The following CSMD1 variants were observed in gnomAD, a reference collection of about 807,000 sequenced individuals.
CSMD1 encodes CUB and sushi domain-containing protein 1.
Under a neutral mutation model 417.5 loss-of-function variants are expected in CSMD1, and 213 were observed. The observed-to-expected ratio is 0.51, with a 90% CI of 0.46 to 0.57. CSMD1 has a LOEUF of 0.57. Ranked by LOEUF, CSMD1 falls within the 20% of genes least tolerant of loss-of-function variation. The pLI, the probability that CSMD1 is intolerant of heterozygous loss-of-function variation, is 0.00. For missense variants in CSMD1, 6,923 were observed against 4,529.7 expected (o/e 1.53, Z -15.17); for synonymous variants, 2,862 against 1,736.8 (o/e 1.65, Z -16.11).
intron 9 of CSMD1, among the ~76,000 whole-genome samples, chr8:3,578,447 G>A (rs1466713551): frequency 6.6e-6 from 1 of 152,154 alleles, no homozygotes; most frequent in African/African-American, 2.4e-5. Flanking sequence ...GAAAATCTCG[G>A]CAGTGCACGC....
chr8:3,795,699 A>G (rs1188179047), intron 5 of CSMD1, among the ~76,000 whole-genome samples: 1 of 44,822 alleles, frequency 2.2e-5, no homozygotes, highest in East Asian at 5.7e-4. Context: ...AGATATAGAT[A>G]TATATCTATC....
At chr8:3,280,469 C>G (rs993283428) in intron 26 of CSMD1, among the ~76,000 whole-genome samples, 2 of 152,118 alleles carry the variant, frequency 1.3e-5, no homozygotes, top group African/African-American at 4.8e-5. Flanking sequence ...CAATAAACTT[C>G]TAAAGACAAT....
Position 3,087,245 on chromosome 8 carries a change from A to G in CSMD1, c.7326T>C (p.Gly2442=). 6.2e-7 allele frequency: 1 copy of G among 1,613,866 alleles called. No individual in the cohort carries two copies. Among genetic ancestry groups the G allele is most frequent in the Non-Finnish European group, 8.5e-7 (1 of 1,179,846 alleles). The change falls in exon 49 of 70, where the codon GGT becomes GGC. Residue 2442 remains glycine (G), a synonymous_variant. Coordinates refer to ENST00000635120, the MANE Select transcript of CSMD1 (RefSeq NM_033225.6). ...CSLTHPLKNG[G]ILNRTAGAVG... is the part of the protein sequence containing the mutation. ...CCGCTCCTGCAGTCCTGTTTAGAAT[A>G]CCCCCATTCTTCAGGGGGTGGGTCA... is the stretch of plus-strand genomic sequence containing the variant.
At chr8:4,078,919 ATATATATATATATATATATATATG>A (rs200702048) in intron 3 of CSMD1, among the ~76,000 whole-genome samples, 2,230 of 28,834 alleles carry the variant, frequency 0.077, 59 homozygotes, top group East Asian at 0.22. Flanking sequence ...ATATATATAT[ATATATATATATATATATATATATG>A]TATGTTGAAA....
chr8:3,839,772 T>C (rs1365673022), intron 5 of CSMD1, among the ~76,000 whole-genome samples: 3 of 150,836 alleles, frequency 2.0e-5, no homozygotes, highest in African/African-American at 7.3e-5. Context: ...GCTCAGAGAG[T>C]TTATATTTGT....
At chr8:3,683,448 G>A (rs1292536842) in intron 7 of CSMD1, among the ~76,000 whole-genome samples, 1 of 152,088 alleles carries the variant, frequency 6.6e-6, no homozygotes, top group Non-Finnish European at 1.5e-5. Flanking sequence ...AGGGAATTCA[G>A]AATTAGAATC....
rs5741962 is a variant in CSMD1 at position 4,201,887 on chromosome 8, T to TGGG, written c.416-169791_416-169789dup. ...TGATGACCATTATACATGGAAATTT[T>TGGG]GGGGGGGGGGGGCGCTGCATTCATT... is the stretch of plus-strand genomic sequence containing the variant. On this transcript the variant is annotated intron_variant, in intron 3 of 69. Transcript: ENST00000635120. Among the ~76,000 whole-genome samples the TGGG allele has an allele frequency of 8.6e-4, 110 of 127,736 alleles. 2 individuals are homozygous for TGGG. The highest frequency in any genetic ancestry group is 3.3e-3 in the African/African-American group (92 of 27,714). 83.8% of individuals were successfully genotyped at this position (127,736 alleles called of 152,430 possible).
chr8:3,279,731 G>C (rs542091551), intron 26 of CSMD1, among the ~76,000 whole-genome samples: 5 of 152,116 alleles, frequency 3.3e-5, no homozygotes, highest in African/African-American at 9.7e-5. Context: ...GGAAGGTGAA[G>C]GGGAAGCAAA....
chr8:3,757,805 C>T (rs534957560), intron 5 of CSMD1, among the ~76,000 whole-genome samples: 1 of 151,766 alleles, frequency 6.6e-6, no homozygotes, highest in South Asian at 2.1e-4. Context: ...GTTGAGATCA[C>T]ACCATCACAC....
At chr8:4,032,711 T>C (rs1420473119) in intron 3 of CSMD1, among the ~76,000 whole-genome samples, 1 of 152,200 alleles carries the variant, frequency 6.6e-6, no homozygotes. Context: ...TGTCCATTTA[T>C]AGTGTCTGAT....
chr8:3,297,224 A>C (rs1804035839), intron 25 of CSMD1, among the ~76,000 whole-genome samples: 1 of 152,236 alleles, frequency 6.6e-6, no homozygotes, highest in Non-Finnish European at 1.5e-5. Flanking sequence ...CAGAAAGTTC[A>C]GTATTATAAA....
chr8:4,357,844 A>G (rs559143807), intron 3 of CSMD1, among the ~76,000 whole-genome samples: 1 of 152,300 alleles, frequency 6.6e-6, no homozygotes, highest in East Asian at 1.9e-4. Context: ...AGTGTGAGTA[A>G]TATCACTTAA....
chr8:4,413,246 G>C (rs143954667), intron 3 of CSMD1, among the ~76,000 whole-genome samples: 3 of 152,264 alleles, frequency 2.0e-5, no homozygotes, highest in Non-Finnish European at 2.9e-5. Context: ...CTGTGAGCTG[G>C]CTAAGCTTTC....
At chr8:4,416,449 TATATTC>T (rs1035038895) in intron 3 of CSMD1, among the ~76,000 whole-genome samples, 1 of 152,092 alleles carries the variant, frequency 6.6e-6, no homozygotes, top group African/African-American at 2.4e-5. Flanking sequence ...CATTTGAAAT[TATATTC>T]ATAATAAACA....
chr8:3,018,372 T>C (rs1809044132), intron 52 of CSMD1, 105 bp downstream of exon 52: 1 of 987,986 alleles, frequency 1.0e-6, no homozygotes. Context: ...CCACCCCAGG[T>C]AGGATTTAAG....
chr8:4,491,820 A>T (rs1264584400), intron 2 of CSMD1, among the ~76,000 whole-genome samples: 1 of 152,160 alleles, frequency 6.6e-6, no homozygotes, highest in African/African-American at 2.4e-5. Flanking sequence ...GCAGTTTCTT[A>T]CAAAGCTAAA....
chr8:3,529,939 A>C lies in CSMD1; in HGVS notation c.1345-36213T>G, dbSNP rs151271156. 3.0e-3 allele frequency among the ~76,000 whole-genome samples: 459 copies of C among 152,300 alleles called. 2 individuals carry two copies. The highest frequency in any genetic ancestry group is 0.011 in the African/African-American group (442 of 41,584). ...AGTCATAGAATCAACATTTGTAAAT[A>C]TATACACAATAAATTTGCCCACGAA... On this transcript the variant is annotated intron_variant, in intron 10 of 69. Transcript: ENST00000635120.
chr8:3,885,249 C>A (rs1232982424), intron 5 of CSMD1, among the ~76,000 whole-genome samples: 1 of 152,152 alleles, frequency 6.6e-6, no homozygotes. Flanking sequence ...ACAGAAAATC[C>A]TGAAAAGCCT....
intron 5 of CSMD1, among the ~76,000 whole-genome samples, chr8:3,915,501 A>AG (rs1491533723): frequency 4.6e-5 from 7 of 151,766 alleles, no homozygotes; most frequent in African/African-American, 1.7e-4. Context: ...GACATGAAAC[A>AG]GGACATTACT....
Sources: gnomAD v4.1 joint callset for allele counts (sites outside exome capture counted in the v4.1 genomes callset) on GRCh38, gnomAD v4.1.1 for gene constraint, MANE v1.5 for transcripts, NCBI Gene and HGNC (gene_info 2026-07-23, HGNC 2026-07-21) for gene names.